CALD1: variants seen among roughly 807,000 people sequenced by gnomAD.
The protein encoded by CALD1 is caldesmon 1.
Under a neutral mutation model 99.9 loss-of-function variants are expected in CALD1, and 33 were observed. The ratio of observed to expected loss-of-function variants is 0.33; its 90% CI spans 0.25 to 0.44. The LOEUF is 0.44. Ranked by LOEUF, CALD1 falls within the 20% of genes least tolerant of loss-of-function variation. The probability of loss-of-function intolerance (pLI) is 1.00; values close to 1 mark genes in which losing one functional copy is unlikely to be tolerated. For synonymous variants in CALD1, 310 were observed against 325.0 expected (o/e 0.95, Z 0.50); for missense variants, 861 against 962.1 (o/e 0.89, Z 1.39).
At chr7:134,893,513 A>C (rs1158161574) in intron 3 of CALD1, among the ~76,000 whole-genome samples, 1 of 152,192 alleles carries the variant, frequency 6.6e-6, no homozygotes, top group Non-Finnish European at 1.5e-5. Flanking sequence ...GGAGTACCTG[A>C]TCCGGTGAAA....
At position 134,933,980 on chromosome 7, in the gene CALD1, T is replaced by C. The variant is rs758285908; in HGVS notation, c.1211T>C (p.Ile404Thr). The change falls in exon 5 of 15, where the codon ATA (isoleucine) becomes ACA (threonine). Residue 404 changes from isoleucine to threonine, a missense_variant. By Grantham distance (89) the Ile-to-Thr change is moderately conservative. Around this residue, in one of 5 missense-constraint regions of CALD1, gnomAD observed 293 missense variants for 262.7 expected, o/e 1.12. Transcript: ENST00000361675. The stretch of plus-strand genomic sequence containing the variant: ...AAACATGCCATGCAAGAGACAAAGA[T>C]AAAAGGGGAAAAGGTAGAACAGAAA... ...EKKHAMQETK[I>T]KGEKVEQKIE... The C allele has an allele frequency of 1.9e-6, 3 of 1,613,316 alleles. No individual in the cohort carries two copies. The highest frequency in any genetic ancestry group is 1.7e-5 in the Admixed American group (1 of 59,942).
intron 1 of CALD1, among the ~76,000 whole-genome samples, chr7:134,767,489 T>C (rs1796837889): frequency 6.6e-6 from 1 of 152,260 alleles, no homozygotes; most frequent in East Asian, 1.9e-4. Flanking sequence ...AAATGTTTTC[T>C]TATTTGCGCC....
At chr7:134,916,610 A>G (rs919481236) in intron 3 of CALD1, among the ~76,000 whole-genome samples, 3 of 152,254 alleles carry the variant, frequency 2.0e-5, no homozygotes, top group Non-Finnish European at 4.4e-5. Context: ...TGGCATCCAC[A>G]TGCTGTGTAC....
intron 1 of CALD1, among the ~76,000 whole-genome samples, chr7:134,751,495 G>C (rs559560197): frequency 6.6e-6 from 1 of 152,108 alleles, no homozygotes; most frequent in South Asian, 2.1e-4. Flanking sequence ...TTTTCAGTTG[G>C]ATCACCCAGA....
At chr7:134,774,633 C>G (rs1796903009) in intron 1 of CALD1, among the ~76,000 whole-genome samples, 1 of 152,212 alleles carries the variant, frequency 6.6e-6, no homozygotes, top group Admixed American at 6.5e-5. Flanking sequence ...TTCTGCTCCA[C>G]CGCCTGTCCT....
intron 3 of CALD1, among the ~76,000 whole-genome samples, chr7:134,923,708 G>T (rs535574737): frequency 3.9e-5 from 6 of 152,304 alleles, no homozygotes; most frequent in African/African-American, 1.4e-4. Context: ...GCTATCGTTT[G>T]ATATAATAAG....
intron 3 of CALD1, among the ~76,000 whole-genome samples, chr7:134,881,462 G>C (rs1375757914): frequency 2.0e-5 from 3 of 152,188 alleles, no homozygotes; most frequent in Non-Finnish European, 2.9e-5. Flanking sequence ...TTATCTATAA[G>C]AGAGAACTAA....
chr7:134,772,008 C>T (rs1796881722), intron 1 of CALD1, among the ~76,000 whole-genome samples: 1 of 151,790 alleles, frequency 6.6e-6, no homozygotes, highest in Admixed American at 6.6e-5. Flanking sequence ...CAAAATGTAT[C>T]TTGTTCACAA....
At chr7:134,762,842 G>A (rs1349657231) in intron 1 of CALD1, among the ~76,000 whole-genome samples, 1 of 152,108 alleles carries the variant, frequency 6.6e-6, no homozygotes, top group Non-Finnish European at 1.5e-5. Flanking sequence ...TTTGAGCCAG[G>A]ACACAGATCC....
At chr7:134,947,396 A>C in intron 7 of CALD1, 112 bp from the exon 8 acceptor site, 1 of 1,088,010 alleles carries the variant, frequency 9.2e-7, no homozygotes, top group South Asian at 1.6e-5. Context: ...GGCTAATGAG[A>C]GGCAGTGGGT....
chr7:134,746,720 C>T (rs1022266791), intron 1 of CALD1, among the ~76,000 whole-genome samples: 6 of 152,070 alleles, frequency 3.9e-5, no homozygotes, highest in African/African-American at 1.2e-4. Flanking sequence ...GAAATATGAA[C>T]GGTAAAGGCT....
At chr7:134,728,855 T>TC in the CALD1 span, among the ~76,000 whole-genome samples, 1 of 145,122 alleles carries the variant, frequency 6.9e-6, no homozygotes, top group African/African-American at 2.6e-5. Flanking sequence ...CTTTTTTTTT[T>TC]TTTTTTTTTT....
At chr7:134,941,276 A>G in intron 7 of CALD1, 39 bp downstream of exon 7, 2 of 1,499,370 alleles carry the variant, frequency 1.3e-6, no homozygotes, top group Non-Finnish European at 1.8e-6. Flanking sequence ...CTGTGTTCAC[A>G]TGCAAAGAAA....
chr7:134,917,758 C>CT (rs1804322155), intron 3 of CALD1, among the ~76,000 whole-genome samples: 1 of 152,108 alleles, frequency 6.6e-6, no homozygotes. Context: ...CTGGGCTTAT[C>CT]TTTTTTAGCC....
chr7:134,731,459 A>G, the CALD1 span, among the ~76,000 whole-genome samples: 1 of 152,010 alleles, frequency 6.6e-6, no homozygotes, highest in Non-Finnish European at 1.5e-5. Flanking sequence ...GCTCCATAAT[A>G]ATATTATTAA....
intron 1 of CALD1, among the ~76,000 whole-genome samples, chr7:134,754,169 G>T (rs1001897810): frequency 6.6e-6 from 1 of 152,224 alleles, no homozygotes; most frequent in Non-Finnish European, 1.5e-5. Context: ...CAGAGTGAGA[G>T]AGAGAAAGCC....
intron 1 of CALD1, among the ~76,000 whole-genome samples, chr7:134,833,705 T>C (rs1188547163): frequency 6.6e-6 from 1 of 152,210 alleles, no homozygotes; most frequent in Non-Finnish European, 1.5e-5. Context: ...ACACTGGGGA[T>C]ACAGAAGTGA....
At position 134,969,378 on chromosome 7, in the gene CALD1, C is replaced by T. The variant is rs1563143562; in HGVS notation, c.*1033C>T. 1 of 152,124 alleles carries T rather than the reference C, an allele frequency of 6.6e-6. No individual in the cohort carries two copies. Among genetic ancestry groups the T allele is most frequent in the Non-Finnish European group, 1.5e-5 (1 of 68,018 alleles). 9.4% of individuals were successfully genotyped at this position (152,124 alleles called of 1,614,324 possible). A position where few individuals can be genotyped will look rare whatever the true frequency, so the allele number is the denominator to read the frequency against. On this transcript the variant is annotated 3_prime_UTR_variant, in exon 15 of 15. Transcript: ENST00000361675. ...AATTTTATTAATGCTATCATCTCGA[C>T]CAAGCTCAAAGCCTACTTATTAGAA...
At chr7:134,913,926 A>C (rs1320180801) in intron 3 of CALD1, among the ~76,000 whole-genome samples, 1 of 152,210 alleles carries the variant, frequency 6.6e-6, no homozygotes, top group East Asian at 1.9e-4. Flanking sequence ...ACCCTAAGAA[A>C]GCTTCCTATT....
Sources: gnomAD v4.1 joint callset for allele counts (sites outside exome capture counted in the v4.1 genomes callset) on GRCh38, gnomAD v4.1.1 for gene constraint, gnomAD v4.1.1 regional missense constraint, MANE v1.5 for transcripts, NCBI Gene and HGNC (gene_info 2026-07-23, HGNC 2026-07-21) for gene names.